The following KIRREL3 variants were observed in gnomAD, a reference collection of about 807,000 sequenced individuals.
The protein encoded by KIRREL3 is kirre like nephrin family adhesion molecule 3.
In KIRREL3, 36 loss-of-function variants were observed where a neutral mutation model predicts 89.7. The ratio of observed to expected loss-of-function variants is 0.40; its 90% CI spans 0.31 to 0.53. KIRREL3 has a LOEUF of 0.53. Ranked by LOEUF, KIRREL3 falls within the 20% of genes least tolerant of loss-of-function variation. KIRREL3 has a pLI of 0.49. For synonymous variants in KIRREL3, 445 were observed against 441.4 expected (o/e 1.01, Z -0.10); for missense variants, 864 against 1,056.6 (o/e 0.82, Z 2.53).
chr11:126,454,257 G>A lies in KIRREL3; in HGVS notation c.848+2092C>T, dbSNP rs1439701220. On this transcript the variant is annotated intron_variant, in intron 7 of 16. Transcript: ENST00000525144. This position sits in a 1 kb window ranked among gnomAD's most constrained non-coding sequence, Gnocchi z 5.8. ...TTCGTTTCCTGGGTGTTTGCTGTCC[G>A]GGTCAGTAGGCAGGTGTGGGTGGGG... Among the ~76,000 whole-genome samples, 2 of 152,170 alleles carry A rather than the reference G, an allele frequency of 1.3e-5. No homozygotes were observed. Among genetic ancestry groups the A allele is most frequent in the South Asian group, 2.1e-4 (1 of 4,820 alleles).
At chr11:126,680,397 GATATAT>G (rs150251599) in intron 1 of KIRREL3, among the ~76,000 whole-genome samples, 2 of 144,120 alleles carry the variant, frequency 1.4e-5, no homozygotes, top group East Asian at 2.0e-4. Context: ...TTCTACTGGA[GATATAT>G]ATATATATAT....
chr11:126,497,217 AGAGTGAGTGTG>A (rs1957694149), intron 4 of KIRREL3, among the ~76,000 whole-genome samples: 1 of 56,294 alleles, frequency 1.8e-5, no homozygotes, highest in Non-Finnish European at 4.6e-5. Context: ...TGAGTGTGTG[AGAGTGAGTGTG>A]TGTGAGACAG....
intron 9 of KIRREL3, among the ~76,000 whole-genome samples, chr11:126,446,300 T>TTCTTTCTTTCTTTCTTTCTTTCTTTCTC (rs1565457865): frequency 1.3e-5 from 2 of 148,782 alleles, no homozygotes; most frequent in African/African-American, 5.0e-5. Context: ...CTTTCTTTCT[T>TTCTTTCTTTCTTTCTTTCTTTCTTTCTC]TCTCTCTCTC....
chr11:126,780,929 G>A lies in KIRREL3; in HGVS notation c.56-218017C>T, dbSNP rs746933423. ...TGCCTTATGGCTTAGTTTGTTATGA[G>A]TTTCAATCTATCATAGATGCTAAAT... On this transcript the variant is annotated intron_variant, in intron 1 of 16. Coordinates refer to ENST00000525144, the MANE Select transcript of KIRREL3 (RefSeq NM_032531.4). The surrounding 1 kb of genome is among the most constrained non-coding windows in gnomAD (Gnocchi z 5.3). 3.3e-5 allele frequency among the ~76,000 whole-genome samples: 5 copies of A among 152,214 alleles called. No individual in the cohort carries two copies. The highest frequency in any genetic ancestry group is 5.9e-5 in the Non-Finnish European group (4 of 68,044).
Position 126,686,361 on chromosome 11 carries a change from A to G in KIRREL3, c.56-123449T>C, listed in dbSNP as rs1386686819. Reference sequence around the variant, plus strand: ...ACTCATTACTAAACATTTATGGACCATTCTAGGAACTGTGCTTGGTGATGA... The same window carrying G: ...ACTCATTACTAAACATTTATGGACCGTTCTAGGAACTGTGCTTGGTGATGA... On this transcript the variant is annotated intron_variant, in intron 1 of 16. Transcript: ENST00000525144. This position sits in a 1 kb window ranked among gnomAD's most constrained non-coding sequence, Gnocchi z 4.7. Among the ~76,000 whole-genome samples, 2 of 152,160 alleles carry G rather than the reference A, an allele frequency of 1.3e-5. No individual in the cohort carries two copies. The highest frequency in any genetic ancestry group is 4.8e-5 in the African/African-American group (2 of 41,436).
rs1038514734 is a variant in KIRREL3 at position 126,516,940 on chromosome 11, G to T, written c.433+4375C>A. Reference sequence around the variant, plus strand: ...AAAAATACAAAAATTAGCCAGGCGTGGTGGCACGTGCCTGTAATCCCAGCT... The same window carrying T: ...AAAAATACAAAAATTAGCCAGGCGTTGTGGCACGTGCCTGTAATCCCAGCT... On this transcript the variant is annotated intron_variant, in intron 4 of 16. Coordinates refer to ENST00000525144, the MANE Select transcript of KIRREL3 (RefSeq NM_032531.4). The surrounding 1 kb of genome is among the most constrained non-coding windows in gnomAD (Gnocchi z 4.9). Among the ~76,000 whole-genome samples the T allele has an allele frequency of 2.0e-5, 3 of 152,124 alleles. No homozygotes were observed. The highest frequency in any genetic ancestry group is 6.6e-5 in the Admixed American group (1 of 15,262).
At chr11:126,792,154 A>G (rs1950664328) in intron 1 of KIRREL3, among the ~76,000 whole-genome samples, 1 of 152,138 alleles carries the variant, frequency 6.6e-6, no homozygotes, top group Non-Finnish European at 1.5e-5. Context: ...GTGGGCCAGG[A>G]ATCAGATCCC....
At chr11:126,826,565 C>G (rs1241218536) in intron 1 of KIRREL3, among the ~76,000 whole-genome samples, 1 of 152,174 alleles carries the variant, frequency 6.6e-6, no homozygotes, top group East Asian at 1.9e-4. Context: ...TTTGATCTTC[C>G]ACGTTCTGCG....
chr11:126,828,355 G>A lies in KIRREL3; in HGVS notation c.55+172100C>T, dbSNP rs553353050. ...GTGGCAGGGAGGAGAGGTCTGAAAGGCAGGTCTCCTGGCCTCATCTGGGGT... is the reference window on the plus strand; with the variant it reads ...GTGGCAGGGAGGAGAGGTCTGAAAGACAGGTCTCCTGGCCTCATCTGGGGT... On this transcript the variant is annotated intron_variant, in intron 1 of 16. Coordinates refer to ENST00000525144, the MANE Select transcript of KIRREL3 (RefSeq NM_032531.4). Among the ~76,000 whole-genome samples the A allele has an allele frequency of 1.2e-4, 19 of 152,114 alleles. No homozygotes were observed. In the South Asian group the frequency reaches 3.7e-3, roughly 30 times the overall value.
chr11:126,451,037 A>C (rs1229203536), intron 7 of KIRREL3, among the ~76,000 whole-genome samples: 4 of 131,796 alleles, frequency 3.0e-5, no homozygotes, highest in African/African-American at 1.2e-4. Context: ...GCATGTGTAC[A>C]TGTGTGAGCA....
At chr11:126,680,620 C>A (rs1357625731) in intron 1 of KIRREL3, among the ~76,000 whole-genome samples, 1 of 151,846 alleles carries the variant, frequency 6.6e-6, no homozygotes, top group African/African-American at 2.4e-5. Context: ...TGAAGATTAA[C>A]TTATCTGGAG....
At chr11:126,760,690 C>T (rs940006736) in intron 1 of KIRREL3, among the ~76,000 whole-genome samples, 4 of 152,186 alleles carry the variant, frequency 2.6e-5, no homozygotes, top group African/African-American at 7.2e-5. Context: ...ATACTGGAAG[C>T]AGTCTAGACC....
chr11:126,554,840 A>G (rs1481339653), intron 2 of KIRREL3, among the ~76,000 whole-genome samples: 1 of 152,162 alleles, frequency 6.6e-6, no homozygotes, highest in Non-Finnish European at 1.5e-5. Flanking sequence ...GTGCCCATGA[A>G]AAGACTTCAG....
Position 126,655,899 on chromosome 11 carries a change from G to A in KIRREL3, c.56-92987C>T, listed in dbSNP as rs1333695952. Among the ~76,000 whole-genome samples, 1 of 151,050 alleles carries A rather than the reference G, an allele frequency of 6.6e-6. No individual in the cohort carries two copies. The highest frequency in any genetic ancestry group is 1.5e-5 in the Non-Finnish European group (1 of 67,892). ...ACAACGTGACTTTCTCTTATTTTTT[G>A]TTCCTGACACTGTTTGCACTGACTA... On this transcript the variant is annotated intron_variant, in intron 1 of 16. Coordinates refer to ENST00000525144, the MANE Select transcript of KIRREL3 (RefSeq NM_032531.4). The surrounding 1 kb of genome is among the most constrained non-coding windows in gnomAD (Gnocchi z 5.0).
chr11:126,821,098 C>A (rs1943198540), intron 1 of KIRREL3, among the ~76,000 whole-genome samples: 1 of 151,886 alleles, frequency 6.6e-6, no homozygotes, highest in African/African-American at 2.4e-5. Flanking sequence ...TGAATGGAGT[C>A]CCCTTATCGC....
Position 126,631,124 on chromosome 11 carries a change from T to TATGTATTCATTCATTC in KIRREL3, c.56-68213_56-68212insGAATGAATGAATACAT, listed in dbSNP as rs543668078. Among the ~76,000 whole-genome samples the TATGTATTCATTCATTC allele has an allele frequency of 2.4e-3, 255 of 106,754 alleles. 1 individual carries two copies. Among genetic ancestry groups the TATGTATTCATTCATTC allele is most frequent in the Admixed American group, 4.2e-3 (38 of 9,062 alleles). 70.0% of individuals were successfully genotyped at this position (106,754 alleles called of 152,430 possible). A position where few individuals can be genotyped will look rare whatever the true frequency, so the allele number is the denominator to read the frequency against. ...TCTGTGCAATCAGTCTGTATGTATGTATTCATTCATTCATTCATTCATTCA... is the reference window on the plus strand; with the variant it reads ...TCTGTGCAATCAGTCTGTATGTATGTATGTATTCATTCATTCATTCATTCATTCATTCATTCATTCA... On this transcript the variant is annotated intron_variant, in intron 1 of 16. Coordinates refer to ENST00000525144, the MANE Select transcript of KIRREL3 (RefSeq NM_032531.4).
chr11:126,741,821 C>T (rs1016361284), intron 1 of KIRREL3, among the ~76,000 whole-genome samples: 1 of 152,334 alleles, frequency 6.6e-6, no homozygotes, highest in African/African-American at 2.4e-5. Context: ...CATTTGGGAA[C>T]CACTGAGGTC....
chr11:126,841,527 A>C (rs887777566), intron 1 of KIRREL3, among the ~76,000 whole-genome samples: 5 of 152,218 alleles, frequency 3.3e-5, no homozygotes, highest in Non-Finnish European at 7.3e-5. Flanking sequence ...AGATTGCTGT[A>C]ATTCATTATT....
At chr11:126,466,906 C>G (rs928110262) in intron 5 of KIRREL3, among the ~76,000 whole-genome samples, 3 of 152,224 alleles carry the variant, frequency 2.0e-5, no homozygotes, top group African/African-American at 7.2e-5. Context: ...GGAGCCACCG[C>G]CTCCAAGGCC....
Sources: gnomAD v4.1 joint callset for allele counts (sites outside exome capture counted in the v4.1 genomes callset) on GRCh38, gnomAD v4.1.1 for gene constraint, Gnocchi (gnomAD v3.1) non-coding constraint, MANE v1.5 for transcripts, NCBI Gene and HGNC (gene_info 2026-07-23, HGNC 2026-07-21) for gene names.